Variants in DCDC1 observed in about 807,000 individuals in gnomAD.
DCDC1 encodes the protein doublecortin domain-containing protein 1.
In DCDC1, 200 loss-of-function variants were observed where a neutral mutation model predicts 178.3. That is an observed-to-expected ratio of 1.12 (90% CI 1.00 to 1.26). DCDC1 has a LOEUF of 1.26. DCDC1 is among the 50% of genes most tolerant of loss of function. DCDC1 has a pLI of 0.00. For synonymous variants in DCDC1, 690 were observed against 604.8 expected (o/e 1.14, Z -2.07); for missense variants, 1,983 against 1,749.2 (o/e 1.13, Z -2.38).
At chr11:31,349,520 T>C (rs910995821) in intron 1 of DCDC1, among the ~76,000 whole-genome samples, 1 of 152,234 alleles carries the variant, frequency 6.6e-6, no homozygotes, top group Non-Finnish European at 1.5e-5. Flanking sequence ...TTAATTAACT[T>C]GTCTTATTAA....
At chr11:31,170,073 G>A (rs1354520986) in intron 9 of DCDC1, among the ~76,000 whole-genome samples, 1 of 152,162 alleles carries the variant, frequency 6.6e-6, no homozygotes, top group Non-Finnish European at 1.5e-5. Context: ...GGAAAAAAGT[G>A]ACATATTATT....
chr11:31,106,527 C>T (rs2135767154), intron 13 of DCDC1, among the ~76,000 whole-genome samples: 1 of 152,304 alleles, frequency 6.6e-6, no homozygotes, highest in African/African-American at 2.4e-5. Flanking sequence ...ACTACTCAGA[C>T]ATGAACAAAT....
intron 9 of DCDC1, among the ~76,000 whole-genome samples, chr11:31,201,129 C>A (rs1392453085): frequency 6.6e-6 from 1 of 152,058 alleles, no homozygotes; most frequent in East Asian, 1.9e-4. Flanking sequence ...TATCTGTGAA[C>A]TTAGAGGGTA....
rs185496858 is a variant in DCDC1, at chr11:31,089,034, T to C, written c.2237+2359A>G. The stretch of plus-strand genomic sequence containing the variant: ...TGTTATATTACCTATATAGTCACCA[T>C]TGCCAGTGCTCTATATTTCCATCTG... On this transcript the variant is annotated intron_variant, in intron 17 of 38. Coordinates refer to ENST00000684477, the MANE Select transcript of DCDC1 (RefSeq NM_001387274.1). Among the ~76,000 whole-genome samples, 37 of 152,268 alleles carry C rather than the reference T, an allele frequency of 2.4e-4. No homozygotes were observed. The East Asian group carries it at 6.9e-3, about 29-fold the overall frequency.
chr11:31,254,134 A>G (rs963791354), intron 8 of DCDC1, among the ~76,000 whole-genome samples: 2 of 152,190 alleles, frequency 1.3e-5, no homozygotes, highest in Non-Finnish European at 2.9e-5. Context: ...ATCCTAACTG[A>G]CACAACTCAC....
At position 30,981,999 on chromosome 11, in the gene DCDC1, T is replaced by C. The variant is rs151151402; in HGVS notation, c.2592-29431A>G. On this transcript the variant is annotated intron_variant, in intron 20 of 38. Transcript: ENST00000684477. The stretch of plus-strand genomic sequence containing the variant: ...TTTAGAGTGAAAATGTAATTGCTTA[T>C]GCCTATTTTTATTTAAATAAATTTA... Among the ~76,000 whole-genome samples the C allele has an allele frequency of 2.0e-3, 298 of 152,322 alleles. 1 individual carries two copies. Among genetic ancestry groups the C allele is most frequent in the African/African-American group, 6.7e-3 (280 of 41,576 alleles).
chr11:30,960,165 C>T (rs189372681), intron 20 of DCDC1, among the ~76,000 whole-genome samples: 9 of 152,172 alleles, frequency 5.9e-5, no homozygotes, highest in Non-Finnish European at 1.3e-4. Context: ...ATTTAATCTT[C>T]AAGTATAAAT....
intron 20 of DCDC1, among the ~76,000 whole-genome samples, chr11:30,953,921 G>GA (rs965414965): frequency 2.8e-5 from 4 of 143,218 alleles, no homozygotes; most frequent in Non-Finnish European, 4.6e-5. Context: ...AAACCAAACA[G>GA]AAAAATTGAG....
chr11:31,243,493 A>T (rs1475430975), intron 8 of DCDC1, among the ~76,000 whole-genome samples: 2 of 151,786 alleles, frequency 1.3e-5, no homozygotes, highest in Non-Finnish European at 2.9e-5. Context: ...GAATTTAAAC[A>T]TGAGAAAATT....
intron 9 of DCDC1, among the ~76,000 whole-genome samples, chr11:31,176,286 G>A (rs559259254): frequency 6.6e-6 from 1 of 152,244 alleles, no homozygotes; most frequent in East Asian, 1.9e-4. Context: ...TCAATAGCAG[G>A]CTAGAGCAAG....
intron 20 of DCDC1, among the ~76,000 whole-genome samples, chr11:30,958,061 T>C (rs1352988081): frequency 6.6e-6 from 1 of 152,148 alleles, no homozygotes; most frequent in Non-Finnish European, 1.5e-5. Flanking sequence ...TGGTGAGAAA[T>C]TGTCCCATTA....
At chr11:31,292,869 G>A (rs1465885546) in intron 6 of DCDC1, among the ~76,000 whole-genome samples, 2 of 151,874 alleles carry the variant, frequency 1.3e-5, no homozygotes, top group African/African-American at 4.8e-5. Flanking sequence ...TCTCTCACAG[G>A]GGAAAAAAAA....
intron 8 of DCDC1, chr11:31,263,019 G>A (rs756120926): frequency 6.2e-7 from 1 of 1,609,168 alleles, no homozygotes; most frequent in East Asian, 2.2e-5. Context: ...CACGAGTCAT[G>A]AATCCGAATG....
rs924180263 is a variant in DCDC1 at position 31,146,390 on chromosome 11, T to A, written c.1222-8606A>T. On this transcript the variant is annotated intron_variant, in intron 9 of 38. Transcript: ENST00000684477. Reference sequence around the variant, plus strand: ...TGTGAGCCACCATGCCCAGCCCTAGTCATTTAAATAGTTATTTTAGGTCAT... The same window carrying A: ...TGTGAGCCACCATGCCCAGCCCTAGACATTTAAATAGTTATTTTAGGTCAT... Among the ~76,000 whole-genome samples, 12 of 152,248 alleles carry A rather than the reference T, an allele frequency of 7.9e-5. 1 individual carries two copies. Among genetic ancestry groups the A allele is most frequent in the Admixed American group, 7.8e-4 (12 of 15,294 alleles).
At chr11:31,297,883 C>A (rs1947814876) in intron 6 of DCDC1, among the ~76,000 whole-genome samples, 1 of 152,092 alleles carries the variant, frequency 6.6e-6, no homozygotes, top group South Asian at 2.1e-4. Context: ...TTGAGTTGTA[C>A]CGCTTTTCTG....
chr11:30,934,381 T>C (rs112004479), intron 21 of DCDC1, among the ~76,000 whole-genome samples: 3,188 of 152,256 alleles, frequency 0.021, 105 homozygotes, highest in African/African-American at 0.072. Flanking sequence ...TCCGGTCCAA[T>C]TGGATGGTAA....
chr11:31,065,127 G>A lies in DCDC1; in HGVS notation c.2325C>T (p.Tyr775=), dbSNP rs141572448. 5.4e-4 allele frequency: 413 copies of A among 764,192 alleles called. 4 individuals are homozygous for A. The African/African-American group carries it at 6.2e-3, about 11-fold the overall frequency. 47.3% of individuals were successfully genotyped at this position (764,192 alleles called of 1,614,324 possible). A position where few individuals can be genotyped will look rare whatever the true frequency, so the allele number is the denominator to read the frequency against. Residue 775 remains tyrosine, a synonymous_variant, in exon 19 of 39, where the codon TAC becomes TAT. Coordinates refer to ENST00000684477, the MANE Select transcript of DCDC1 (RefSeq NM_001387274.1). ...SKAYPQFVLT[Y]LEELNAQVDV... is the part of the protein sequence containing the mutation. ...CTACTTGTGCATTTAGCTCCTCTAG[G>A]TAGGTCAGAACAAACTGAGGATAAG...
At position 31,195,793 on chromosome 11, in the gene DCDC1, G is replaced by A. The variant is rs555478546; in HGVS notation, c.1221+45657C>T. Among the ~76,000 whole-genome samples, 13 of 151,510 alleles carry A rather than the reference G, an allele frequency of 8.6e-5. No homozygotes were observed. The East Asian group carries it at 1.7e-3, about 20-fold the overall frequency. On this transcript the variant is annotated intron_variant, in intron 9 of 38. Coordinates refer to ENST00000684477, the MANE Select transcript of DCDC1 (RefSeq NM_001387274.1). ...GTTTTTTTTTACCTTCGTGTACCTC[G>A]TGCCTAACAGCTCCTGGACAGTAGT... is the stretch of plus-strand genomic sequence containing the variant.
chr11:31,195,177 G>T (rs1044203092), intron 9 of DCDC1, among the ~76,000 whole-genome samples: 8 of 152,068 alleles, frequency 5.3e-5, no homozygotes, highest in Non-Finnish European at 8.8e-5. Context: ...GCTCCCAAGG[G>T]AGGGAGGGAG....
Sources: gnomAD v4.1 joint callset for allele counts (sites outside exome capture counted in the v4.1 genomes callset) on GRCh38, gnomAD v4.1.1 for gene constraint, MANE v1.5 for transcripts, NCBI Gene and HGNC (gene_info 2026-07-23, HGNC 2026-07-21) for gene names.